PTCHD4: variants seen among roughly 807,000 people sequenced by gnomAD.
The protein encoded by PTCHD4 is patched domain-containing protein 4.
In PTCHD4, 33 loss-of-function variants were observed where a neutral mutation model predicts 58.1. The ratio of observed to expected loss-of-function variants is 0.57; its 90% confidence interval spans 0.43 to 0.76. The LOEUF is 0.76. Among genes scored for constraint, PTCHD4 ranks in the 30% least tolerant of loss-of-function variants. The pLI is 0.00. For synonymous variants in PTCHD4, 478 were observed against 409.6 expected, an observed-to-expected ratio of 1.17 and a Z score of -2.02; for missense variants, 1,058 against 1,027.1, an observed-to-expected ratio of 1.03 and a Z score of -0.41.
At chr6:48,079,219 G>C (rs1000573652) in intron 1 of PTCHD4, among the ~76,000 whole-genome samples, 2 of 151,408 alleles carry the variant, frequency 1.3e-5, no homozygotes, top group Admixed American at 6.6e-5. Context: ...TGATGTTACT[G>C]TACCCAGAGA....
At chr6:48,044,274 A>G (rs144057123) in intron 3 of PTCHD4, among the ~76,000 whole-genome samples, 1 of 151,880 alleles carries the variant, frequency 6.6e-6, no homozygotes, top group Non-Finnish European at 1.5e-5. Flanking sequence ...ATCTGGAACT[A>G]CATTCTTTTC....
At position 47,883,154 on chromosome 6, in the gene PTCHD4, A is replaced by G. The variant is rs189089360; in HGVS notation, c.899-3218T>C. On this transcript the variant is annotated intron_variant, in intron 4 of 4. Transcript: ENST00000339488. ...ATATTTATTTAGAGTTTGTTATATA[A>G]TAACTTTTGCTAGCCGATATATAAG... Among the ~76,000 whole-genome samples, 623 of 152,180 alleles carry G rather than the reference A, an allele frequency of 4.1e-3. 4 individuals are homozygous for G. Among genetic ancestry groups the G allele is most frequent in the African/African-American group, 0.014 (584 of 41,556 alleles).
rs1228264189 is a variant in PTCHD4 at position 47,857,984 on chromosome 6, A to G, written c.*20319T>C. Among the ~76,000 whole-genome samples the G allele has an allele frequency of 1.3e-5, 2 of 151,952 alleles. No homozygotes were observed. The highest frequency in any genetic ancestry group is 2.9e-5 in the Non-Finnish European group (2 of 67,942). On this transcript the variant is annotated 3_prime_UTR_variant, in exon 5 of 5. Coordinates refer to ENST00000339488, the MANE Select transcript of PTCHD4 (RefSeq NM_001384253.1). ...AGGATGTCATTTGTTTCACATCTCA[A>G]ACCCAAACCCCAAACACAAACATTT...
intron 3 of PTCHD4, among the ~76,000 whole-genome samples, chr6:48,048,965 T>G (rs1764135912): frequency 6.6e-6 from 1 of 151,974 alleles, no homozygotes; most frequent in African/African-American, 2.4e-5. Flanking sequence ...GCACACATTC[T>G]GAGACCACTG....
chr6:47,929,039 G>C (rs539611785), intron 4 of PTCHD4, among the ~76,000 whole-genome samples: 1 of 148,410 alleles, frequency 6.7e-6, no homozygotes, highest in South Asian at 2.1e-4. Context: ...GTTCTAAATA[G>C]AGCTGCATTA....
At chr6:47,926,981 T>G (rs1195319543) in intron 4 of PTCHD4, among the ~76,000 whole-genome samples, 2 of 152,222 alleles carry the variant, frequency 1.3e-5, no homozygotes, top group African/African-American at 4.8e-5. Flanking sequence ...CATTGTCTGA[T>G]GAGTTCCCTT....
intron 1 of PTCHD4, among the ~76,000 whole-genome samples, chr6:48,098,421 C>A (rs1245013124): frequency 6.6e-6 from 1 of 151,686 alleles, no homozygotes; most frequent in Non-Finnish European, 1.5e-5. Context: ...TCGCTGCAAC[C>A]TCCACCTCCC....
chr6:47,979,808 G>C (rs1335084605), intron 4 of PTCHD4, among the ~76,000 whole-genome samples: 1 of 151,924 alleles, frequency 6.6e-6, no homozygotes, highest in African/African-American at 2.4e-5. Flanking sequence ...GCACTATAGA[G>C]ATCTGAAATC....
At chr6:47,975,721 C>A (rs1364417996) in intron 4 of PTCHD4, among the ~76,000 whole-genome samples, 2 of 152,170 alleles carry the variant, frequency 1.3e-5, no homozygotes, top group African/African-American at 4.8e-5. Context: ...ATTTCTTTAG[C>A]ACCTATTAAT....
chr6:48,011,465 G>C (rs778366923), intron 3 of PTCHD4, among the ~76,000 whole-genome samples: 1 of 152,020 alleles, frequency 6.6e-6, no homozygotes, highest in Non-Finnish European at 1.5e-5. Context: ...ATAGATTCTG[G>C]ATATTAGTTC....
intron 1 of PTCHD4, among the ~76,000 whole-genome samples, chr6:48,105,704 A>G (rs552850433): frequency 6.6e-6 from 1 of 152,278 alleles, no homozygotes; most frequent in South Asian, 2.1e-4. Context: ...GACCGCTAGC[A>G]AGACTAATAA....
At chr6:47,983,183 A>G (rs1767947061) in intron 4 of PTCHD4, among the ~76,000 whole-genome samples, 1 of 152,176 alleles carries the variant, frequency 6.6e-6, no homozygotes, top group East Asian at 1.9e-4. Context: ...ACTATGTTGG[A>G]GATAAAATGG....
rs959768321 is a variant in PTCHD4 at position 47,871,167 on chromosome 6, C to T, written c.*7136G>A. ...GTCTATGCATGGGTGAAGACTGTTT[C>T]TCCCTAGGAGTTTTCTTTTCACTGA... is the stretch of plus-strand genomic sequence containing the variant. On this transcript the variant is annotated 3_prime_UTR_variant, in exon 5 of 5. Transcript: ENST00000339488. Among the ~76,000 whole-genome samples, 22 of 151,592 alleles carry T rather than the reference C, an allele frequency of 1.5e-4. No individual in the cohort carries two copies. The highest frequency in any genetic ancestry group is 3.0e-4 in the Non-Finnish European group (20 of 67,708).
chr6:47,952,360 A>G (rs1766686813), intron 4 of PTCHD4, among the ~76,000 whole-genome samples: 1 of 152,128 alleles, frequency 6.6e-6, no homozygotes, highest in Non-Finnish European at 1.5e-5. Context: ...TTGTCGGTCT[A>G]TCAACACCAA....
intron 3 of PTCHD4, among the ~76,000 whole-genome samples, chr6:48,030,007 AATCT>A (rs1318997657): frequency 6.6e-6 from 1 of 152,036 alleles, no homozygotes; most frequent in East Asian, 1.9e-4. Context: ...AAGTTACCCA[AATCT>A]ATAGGTACTA....
intron 3 of PTCHD4, among the ~76,000 whole-genome samples, chr6:48,017,260 G>T (rs1460298945): frequency 6.6e-6 from 1 of 151,956 alleles, no homozygotes; most frequent in African/African-American, 2.4e-5. Context: ...GTAGAAATGA[G>T]AAAATAATGA....
chr6:47,988,108 T>G (rs1486811868), intron 4 of PTCHD4, among the ~76,000 whole-genome samples: 2 of 152,098 alleles, frequency 1.3e-5, no homozygotes, highest in Non-Finnish European at 2.9e-5. Flanking sequence ...GAAGCTTGTC[T>G]CTGTGCTAAG....
chr6:47,917,862 C>T (rs1765308212), intron 4 of PTCHD4, among the ~76,000 whole-genome samples: 1 of 151,996 alleles, frequency 6.6e-6, no homozygotes, highest in Non-Finnish European at 1.5e-5. Context: ...ATAGTTGTAA[C>T]CATGAAAAGT....
intron 3 of PTCHD4, among the ~76,000 whole-genome samples, chr6:48,061,109 T>G (rs2113868818): frequency 6.6e-6 from 1 of 152,370 alleles, no homozygotes; most frequent in East Asian, 1.9e-4. Flanking sequence ...TTCCCATATC[T>G]TGCGTTCTCA....
Sources: allele counts gnomAD v4.1 joint callset (sites outside exome capture counted in the v4.1 genomes callset), GRCh38; gene constraint gnomAD v4.1.1; transcripts MANE v1.5; gene names NCBI Gene and HGNC (gene_info 2026-07-23, HGNC 2026-07-21).